Variants in VAT1L observed in about 807,000 individuals in gnomAD.
The protein encoded by VAT1L is vesicle amine transport 1 like, also known as putative NADPH-dependent quinone oxidoreductase VAT1L.
In VAT1L, 34 loss-of-function variants were observed where a neutral mutation model predicts 44.1. The ratio of observed to expected loss-of-function variants is 0.77; its 90% CI spans 0.59 to 1.03. The LOEUF is 1.03. Among genes scored for constraint, VAT1L ranks in the 50% least tolerant of loss-of-function variants. The pLI, the probability that VAT1L is intolerant of heterozygous loss-of-function variation, is 0.00. For synonymous variants in VAT1L, 253 were observed against 202.2 expected, an observed-to-expected ratio of 1.25 and a Z score of -2.13; for missense variants, 615 against 538.8, an observed-to-expected ratio of 1.14 and a Z score of -1.40.
chr16:77,910,056 T>C (rs950502451), intron 7 of VAT1L, among the ~76,000 whole-genome samples: 1 of 152,248 alleles, frequency 6.6e-6, no homozygotes, highest in Non-Finnish European at 1.5e-5. Context: ...AAGAATGCCC[T>C]TTAAGGTGAA....
At chr16:77,831,823 CT>C (rs934709773) in intron 3 of VAT1L, among the ~76,000 whole-genome samples, 4 of 149,992 alleles carry the variant, frequency 2.7e-5, no homozygotes, top group Admixed American at 6.7e-5. Flanking sequence ...TGTTGTTTTT[CT>C]TTTTTTTTGG....
At position 77,862,773 on chromosome 16, in the gene VAT1L, C is replaced by T; in HGVS notation, c.605C>T (p.Ser202Phe). 3 of 1,613,828 alleles carry T rather than the reference C, an allele frequency of 1.9e-6. No homozygotes were observed. Among genetic ancestry groups the T allele is most frequent in the Non-Finnish European group, 2.5e-6 (3 of 1,179,948 alleles). Residue 202 changes from serine (S) to phenylalanine (F), a missense_variant, in exon 4 of 9, where the codon TCC becomes TTC. Physicochemically the swap from Ser to Phe is radical, Grantham distance 155. Transcript: ENST00000302536. ...GGTCAAGCTGTGGCTCAGCTGTGTT[C>T]CACTGTCCCCAACGTGACTGTCTTT... is the stretch of plus-strand genomic sequence containing the variant. Reference protein sequence around the residue: ...GVGQAVAQLCSTVPNVTVFGT... With the variant: ...GVGQAVAQLCFTVPNVTVFGT...
intron 7 of VAT1L, among the ~76,000 whole-genome samples, chr16:77,912,452 T>C (rs569047908): frequency 1.6e-4 from 25 of 152,272 alleles, no homozygotes; most frequent in Non-Finnish European, 2.9e-4. Flanking sequence ...TTGTTTTTTT[T>C]CTGCACCCAG....
At chr16:77,961,415 A>C (rs578213934) in intron 7 of VAT1L, among the ~76,000 whole-genome samples, 2 of 151,382 alleles carry the variant, frequency 1.3e-5, no homozygotes, top group African/African-American at 2.4e-5. Context: ...ACCTTGCCCT[A>C]CTCCTGGCTC....
intron 7 of VAT1L, among the ~76,000 whole-genome samples, chr16:77,955,726 C>CT (rs1467931996): frequency 1.3e-4 from 16 of 121,246 alleles, no homozygotes; most frequent in African/African-American, 4.8e-4. Context: ...ATATCCCCCC[C>CT]CCCAAAAAAA....
intron 7 of VAT1L, among the ~76,000 whole-genome samples, chr16:77,900,724 G>C (rs2017372536): frequency 6.6e-6 from 1 of 150,558 alleles, no homozygotes; most frequent in Non-Finnish European, 1.5e-5. Flanking sequence ...TAGAAAAAAA[G>C]GCAAAAATAT....
At chr16:77,937,785 C>T (rs1202913642) in intron 7 of VAT1L, among the ~76,000 whole-genome samples, 1 of 152,146 alleles carries the variant, frequency 6.6e-6, no homozygotes, top group Non-Finnish European at 1.5e-5. Context: ...CGAGTTGAAT[C>T]CCTTGAATTA....
intron 1 of VAT1L, among the ~76,000 whole-genome samples, chr16:77,792,941 A>G (rs1027569648): frequency 6.6e-6 from 1 of 152,200 alleles, no homozygotes; most frequent in East Asian, 1.9e-4. Context: ...AATGATAACC[A>G]TTATTATCTA....
At chr16:77,942,003 A>G (rs1197487332) in intron 7 of VAT1L, among the ~76,000 whole-genome samples, 1 of 152,188 alleles carries the variant, frequency 6.6e-6, no homozygotes, top group Non-Finnish European at 1.5e-5. Context: ...TTTTAATAAT[A>G]GCCATTCTGA....
At chr16:77,855,450 T>G (rs1459902978) in intron 3 of VAT1L, among the ~76,000 whole-genome samples, 1 of 152,060 alleles carries the variant, frequency 6.6e-6, no homozygotes, top group African/African-American at 2.4e-5. Flanking sequence ...CTTCTCCTTA[T>G]CTATCTCCCC....
At chr16:77,838,970 C>G (rs766263678) in intron 3 of VAT1L, among the ~76,000 whole-genome samples, 1 of 151,916 alleles carries the variant, frequency 6.6e-6, no homozygotes, top group African/African-American at 2.4e-5. Context: ...CCATAGTGAG[C>G]AAACTCAGGT....
chr16:77,897,208 A>C (rs747724328), intron 7 of VAT1L, among the ~76,000 whole-genome samples: 2 of 152,224 alleles, frequency 1.3e-5, no homozygotes, highest in Non-Finnish European at 2.9e-5. Flanking sequence ...CCTGGCAGAT[A>C]AACATGCTGT....
intron 8 of VAT1L, among the ~76,000 whole-genome samples, chr16:77,976,053 T>C (rs416461): frequency 0.32 from 49,005 of 152,170 alleles, 8,553 homozygotes; most frequent in East Asian, 0.51. Flanking sequence ...GGCATATTGG[T>C]GACTATGTAT....
chr16:77,830,354 C>A (rs1264918870), intron 3 of VAT1L, among the ~76,000 whole-genome samples: 1 of 152,094 alleles, frequency 6.6e-6, no homozygotes, highest in Non-Finnish European at 1.5e-5. Flanking sequence ...AGCCTTAACC[C>A]TTTAATAAAA....
intron 7 of VAT1L, among the ~76,000 whole-genome samples, chr16:77,966,158 T>C (rs74026844): frequency 6.6e-6 from 1 of 152,344 alleles, no homozygotes; most frequent in African/African-American, 2.4e-5. Context: ...TTTACATTTC[T>C]TGACGTGGTT....
At chr16:77,814,586 T>C (rs1045628649) in intron 1 of VAT1L, among the ~76,000 whole-genome samples, 2 of 152,188 alleles carry the variant, frequency 1.3e-5, no homozygotes, top group East Asian at 1.9e-4. Flanking sequence ...TTTGCAGAAA[T>C]GGCAACAAAT....
intron 7 of VAT1L, among the ~76,000 whole-genome samples, chr16:77,959,558 G>A (rs2142533073): frequency 6.6e-6 from 1 of 152,210 alleles, no homozygotes; most frequent in East Asian, 1.9e-4. Flanking sequence ...AGTGATCCAT[G>A]GAATTACCCC....
intron 7 of VAT1L, among the ~76,000 whole-genome samples, chr16:77,971,230 G>A (rs2018274728): frequency 1.3e-5 from 2 of 152,090 alleles, no homozygotes; most frequent in Admixed American, 6.5e-5. Context: ...CAAACTTACC[G>A]TTTCAGAGGA....
rs1597173197 is a variant in VAT1L, at chr16:77,811,936, C to T, written c.234-4985C>T. On this transcript the variant is annotated intron_variant, in intron 1 of 8. Transcript: ENST00000302536. The stretch of plus-strand genomic sequence containing the variant: ...AAACAGAGCCCACAGGATAAAGGAC[C>T]ATCAAACAAACAGACGATGAGAGCT... 2.0e-5 allele frequency among the ~76,000 whole-genome samples: 3 copies of T among 152,150 alleles called. No individual in the cohort carries two copies. In the East Asian group the frequency reaches 5.8e-4, roughly 29 times the overall value.
Sources: allele counts gnomAD v4.1 joint callset (sites outside exome capture counted in the v4.1 genomes callset), GRCh38; gene constraint gnomAD v4.1.1; transcripts MANE v1.5; gene names NCBI Gene and HGNC (gene_info 2026-07-23, HGNC 2026-07-21).